RELN: variants seen among roughly 807,000 people sequenced by gnomAD.
RELN encodes the protein reelin.
A neutral mutation model predicts 427.6 loss-of-function variants in RELN; 108 were observed. That is an observed-to-expected ratio of 0.25 (90% confidence interval 0.22 to 0.30). The LOEUF is 0.30. RELN is among the 10% of genes least tolerant of loss of function. The probability of loss-of-function intolerance (pLI) is 1.00; values close to 1 mark genes in which losing one functional copy is unlikely to be tolerated. For synonymous variants in RELN, 1,524 were observed against 1,513.4 expected, an observed-to-expected ratio of 1.01 and a Z score of -0.16; for missense variants, 3,715 against 4,302.8, an observed-to-expected ratio of 0.86 and a Z score of 3.82.
intron 2 of RELN, among the ~76,000 whole-genome samples, chr7:103,845,129 C>T (rs1226851322): frequency 1.4e-5 from 2 of 144,332 alleles, no homozygotes; most frequent in South Asian, 2.1e-4. Flanking sequence ...CAGGTAGAAC[C>T]GTTTTATCAA....
At chr7:103,523,576 A>G in intron 46 of RELN, 45 bp from the exon 47 acceptor site, 1 of 1,607,934 alleles carries the variant, frequency 6.2e-7, no homozygotes, top group Non-Finnish European at 8.5e-7. Context: ...TGTGGAAAAG[A>G]AAATGTGTTC....
At chr7:103,702,050 C>G (rs1834104397) in intron 8 of RELN, among the ~76,000 whole-genome samples, 1 of 152,140 alleles carries the variant, frequency 6.6e-6, no homozygotes. Flanking sequence ...AGCAGTTTTC[C>G]TAGATTTATT....
chr7:103,813,659 C>T (rs1381344520), intron 3 of RELN, among the ~76,000 whole-genome samples: 1 of 151,860 alleles, frequency 6.6e-6, no homozygotes, highest in Non-Finnish European at 1.5e-5. Context: ...CAGATGAATC[C>T]AGAAAACTGA....
At chr7:103,815,617 T>G (rs1014478178) in intron 3 of RELN, among the ~76,000 whole-genome samples, 2 of 152,222 alleles carry the variant, frequency 1.3e-5, no homozygotes, top group African/African-American at 4.8e-5. Context: ...ATTAGCATTA[T>G]GAGCTGTGAA....
chr7:103,601,339 A>G (rs976553039), intron 24 of RELN, among the ~76,000 whole-genome samples: 2 of 152,212 alleles, frequency 1.3e-5, no homozygotes, highest in Non-Finnish European at 2.9e-5. Flanking sequence ...CGGATAGGAA[A>G]TACTGTTAAA....
intron 1 of RELN, among the ~76,000 whole-genome samples, chr7:103,957,430 G>A (rs1191012404): frequency 6.6e-6 from 1 of 152,118 alleles, no homozygotes; most frequent in Non-Finnish European, 1.5e-5. Context: ...CCTTTAACAT[G>A]TGCATAACAC....
chr7:103,824,008 G>A lies in RELN; in HGVS notation c.473+9529C>T, dbSNP rs553361245. On this transcript the variant is annotated intron_variant, in intron 3 of 64. Coordinates refer to ENST00000428762, the MANE Select transcript of RELN (RefSeq NM_005045.4). This position sits in a 1 kb window ranked among gnomAD's most constrained non-coding sequence, Gnocchi z 4.4. ...TCTTCTGGCATCTTTTGTTGCTGATGAGACCACTGTCAGATTAAATTTATA... is the reference window on the plus strand; with the variant it reads ...TCTTCTGGCATCTTTTGTTGCTGATAAGACCACTGTCAGATTAAATTTATA... 1.3e-5 allele frequency among the ~76,000 whole-genome samples: 2 copies of A among 152,046 alleles called. No homozygotes were observed. Among genetic ancestry groups the A allele is most frequent in the Non-Finnish European group, 2.9e-5 (2 of 68,006 alleles).
chr7:103,541,076 G>A (rs147325532), intron 43 of RELN, among the ~76,000 whole-genome samples: 1 of 152,182 alleles, frequency 6.6e-6, no homozygotes, highest in South Asian at 2.1e-4. Flanking sequence ...GGGACCATGA[G>A]TGTGGGGTGG....
At chr7:103,837,587 TGA>T (rs1211033176) in intron 2 of RELN, among the ~76,000 whole-genome samples, 1 of 152,278 alleles carries the variant, frequency 6.6e-6, no homozygotes, top group African/African-American at 2.4e-5. Flanking sequence ...CACCAAACAT[TGA>T]GAGAAATCAC....
chr7:103,904,975 C>T (rs1251958856), intron 2 of RELN, among the ~76,000 whole-genome samples: 4 of 77,328 alleles, frequency 5.2e-5, no homozygotes, highest in Admixed American at 1.9e-4. Context: ...AAGTTCTTTC[C>T]TTTTTTTTTT....
Position 103,674,993 on chromosome 7 carries a change from C to G in RELN, c.1289+7123G>C, listed in dbSNP as rs576429003. On this transcript the variant is annotated intron_variant, in intron 11 of 64. Coordinates refer to ENST00000428762, the MANE Select transcript of RELN (RefSeq NM_005045.4). ...AACTAGCACAAGACAGAGATGCCCT[C>G]TCTCACCACTCCTATTCAACATAGT... is the stretch of plus-strand genomic sequence containing the variant. Among the ~76,000 whole-genome samples, 760 of 152,276 alleles carry G rather than the reference C, an allele frequency of 5.0e-3. 4 individuals are homozygous for G. Among genetic ancestry groups the G allele is most frequent in the Middle Eastern group, 0.01 (3 of 294 alleles).
intron 8 of RELN, among the ~76,000 whole-genome samples, chr7:103,702,962 C>T (rs1325999558): frequency 6.6e-6 from 1 of 152,152 alleles, no homozygotes; most frequent in Non-Finnish European, 1.5e-5. Context: ...TCCTACAGAT[C>T]AAATGTGTAC....
Position 103,553,644 on chromosome 7 carries a change from G to T in RELN, c.5969+16C>A, listed in dbSNP as rs1372787702. ...GTATACAGCAGTGGTTTTATTTTTA[G>T]ATTCTTAATACTTACGGTGCCCCCT... On this transcript the variant is annotated intron_variant, in intron 39 of 64. Transcript: ENST00000428762. 6.2e-7 allele frequency: 1 copy of T among 1,613,564 alleles called. No homozygotes were observed. Among genetic ancestry groups the T allele is most frequent in the East Asian group, 2.2e-5 (1 of 44,844 alleles).
chr7:103,770,363 C>G (rs1178279074), intron 4 of RELN, among the ~76,000 whole-genome samples: 2 of 152,200 alleles, frequency 1.3e-5, no homozygotes, highest in Non-Finnish European at 2.9e-5. Flanking sequence ...GGATTACAGG[C>G]ATGAGCCACC....
chr7:103,503,008 C>T lies in RELN; in HGVS notation c.8489+8G>A, dbSNP rs967424047. On this transcript the variant is annotated splice_region_variant and intron_variant, in intron 52 of 64. Coordinates refer to ENST00000428762, the MANE Select transcript of RELN (RefSeq NM_005045.4). ...TGGAACCAGGCTTTGTTTTAGTTTTCTACTTACTTTCCCACTAAGCTTTCA... is the reference window on the plus strand; with the variant it reads ...TGGAACCAGGCTTTGTTTTAGTTTTTTACTTACTTTCCCACTAAGCTTTCA... 1.1e-5 allele frequency: 18 copies of T among 1,611,794 alleles called. No homozygotes were observed. The highest frequency in any genetic ancestry group is 1.5e-5 in the Non-Finnish European group (18 of 1,178,104).
At chr7:103,631,928 G>A (rs1274469135) in intron 19 of RELN, among the ~76,000 whole-genome samples, 1 of 151,984 alleles carries the variant, frequency 6.6e-6, no homozygotes, top group Non-Finnish European at 1.5e-5. Context: ...TATAAAAACA[G>A]TTAATATTCT....
rs1038156458 is a variant in RELN at position 103,609,932 on chromosome 7, T to C, written c.3008+763A>G. On this transcript the variant is annotated intron_variant, in intron 22 of 64. Coordinates refer to ENST00000428762, the MANE Select transcript of RELN (RefSeq NM_005045.4). ...ATCATGTAATTAAACCTTTTCATTA[T>C]ACTTACAAGGACCTGGCCTTGAAGA... Among the ~76,000 whole-genome samples the C allele has an allele frequency of 3.9e-5, 6 of 152,318 alleles. No homozygotes were observed. The East Asian group carries it at 7.7e-4, about 20-fold the overall frequency.
intron 2 of RELN, among the ~76,000 whole-genome samples, chr7:103,854,379 T>A (rs377370989): frequency 3.0e-4 from 46 of 152,330 alleles, no homozygotes; most frequent in African/African-American, 1.0e-3. Context: ...TTGTTTCTGA[T>A]CAAATGTAGG....
intron 11 of RELN, among the ~76,000 whole-genome samples, chr7:103,668,030 G>GTTCA (rs962041174): frequency 1.3e-5 from 2 of 152,166 alleles, no homozygotes; most frequent in Non-Finnish European, 2.9e-5. Flanking sequence ...AGGATTTCAA[G>GTTCA]TTCAGCCTGG....
Sources: gnomAD v4.1 joint callset for allele counts (sites outside exome capture counted in the v4.1 genomes callset) on GRCh38, gnomAD v4.1.1 for gene constraint, Gnocchi (gnomAD v3.1) non-coding constraint, MANE v1.5 for transcripts, NCBI Gene and HGNC (gene_info 2026-07-23, HGNC 2026-07-21) for gene names.